The following DIAPH3 variants were observed in gnomAD, a reference collection of about 807,000 sequenced individuals.
The protein encoded by DIAPH3 is protein diaphanous homolog 3.
A neutral mutation model predicts 144.3 loss-of-function variants in DIAPH3; 117 were observed. The ratio of observed to expected loss-of-function variants is 0.81; its 90% CI spans 0.70 to 0.95. DIAPH3 has a LOEUF of 0.95. DIAPH3 is among the 40% of genes least tolerant of loss of function. The pLI, the probability that DIAPH3 is intolerant of heterozygous loss-of-function variation, is 0.00. For synonymous variants in DIAPH3, 519 were observed against 488.9 expected (o/e 1.06, Z -0.81); for missense variants, 1,421 against 1,412.7 (o/e 1.01, Z -0.09).
At chr13:59,883,384 GT>G (rs935909168) in intron 20 of DIAPH3, among the ~76,000 whole-genome samples, 5 of 151,970 alleles carry the variant, frequency 3.3e-5, no homozygotes, top group South Asian at 4.2e-4. Flanking sequence ...GTTGTCAGAT[GT>G]TTTTTTCCCC....
intron 4 of DIAPH3, among the ~76,000 whole-genome samples, chr13:60,060,033 T>G (rs1016986495): frequency 1.3e-5 from 2 of 152,090 alleles, no homozygotes; most frequent in African/African-American, 2.4e-5. Flanking sequence ...TACTTTCAAG[T>G]GTCACTGTTA....
chr13:59,686,677 C>T (rs1033847544), intron 27 of DIAPH3, among the ~76,000 whole-genome samples: 1 of 151,952 alleles, frequency 6.6e-6, no homozygotes, highest in Non-Finnish European at 1.5e-5. Context: ...TTATTTCGGG[C>T]TAGGGGTATA....
At position 59,671,657 on chromosome 13, in the gene DIAPH3, G is replaced by A. The variant is rs185489301; in HGVS notation, c.3320-4811C>T. 3.3e-5 allele frequency among the ~76,000 whole-genome samples: 5 copies of A among 152,214 alleles called. No individual in the cohort carries two copies. The East Asian group carries it at 7.7e-4, about 23-fold the overall frequency. On this transcript the variant is annotated intron_variant, in intron 27 of 27. Coordinates refer to ENST00000400324, the MANE Select transcript of DIAPH3 (RefSeq NM_001042517.2). ...TAAGAAAATGCAATCCACACATCTTGTATTTGTGTTTCTGTGGAAATAAAC... is the reference window on the plus strand; with the variant it reads ...TAAGAAAATGCAATCCACACATCTTATATTTGTGTTTCTGTGGAAATAAAC...
In DIAPH3 at chr13:59,729,810, A is replaced by ATTTTTTTTTTTTTTTTTTTTTTTTTTTT. The variant is rs59987412; in HGVS notation, c.3319+44378_3319+44379insAAAAAAAAAAAAAAAAAAAAAAAAAAAA. On this transcript the variant is annotated intron_variant, in intron 27 of 27. Coordinates refer to ENST00000400324, the MANE Select transcript of DIAPH3 (RefSeq NM_001042517.2). ...TGTGACTTCCGGTGAATACATTAAT[A>ATTTTTTTTTTTTTTTTTTTTTTTTTTTT]TTTTTTTTTTTTTTTTTTTGAGATA... Among the ~76,000 whole-genome samples, 18 of 134,230 alleles carry ATTTTTTTTTTTTTTTTTTTTTTTTTTTT rather than the reference A, an allele frequency of 1.3e-4. 1 individual carries two copies. Among genetic ancestry groups the ATTTTTTTTTTTTTTTTTTTTTTTTTTTT allele is most frequent in the African/African-American group, 5.2e-4 (17 of 32,624 alleles). 88.1% of individuals were successfully genotyped at this position (134,230 alleles called of 152,430 possible). A position where few individuals can be genotyped will look rare whatever the true frequency, so the allele number is the denominator to read the frequency against.
At chr13:59,795,330 C>G (rs1462047038) in intron 25 of DIAPH3, among the ~76,000 whole-genome samples, 1 of 152,050 alleles carries the variant, frequency 6.6e-6, no homozygotes, top group Non-Finnish European at 1.5e-5. Flanking sequence ...TCAGGAAGAA[C>G]TATCTGAAAA....
intron 2 of DIAPH3, among the ~76,000 whole-genome samples, chr13:60,131,509 T>G (rs1475074353): frequency 6.9e-6 from 1 of 145,050 alleles, no homozygotes; most frequent in Non-Finnish European, 1.5e-5. Context: ...CTTGAACACA[T>G]TATGGTAAGC....
chr13:59,671,634 A>G (rs1174739923), intron 27 of DIAPH3, among the ~76,000 whole-genome samples: 1 of 152,246 alleles, frequency 6.6e-6, no homozygotes, highest in Non-Finnish European at 1.5e-5. Flanking sequence ...CAATTCAGTA[A>G]GAAAATGCAA....
chr13:59,811,323 A>C (rs2040459341), intron 24 of DIAPH3, among the ~76,000 whole-genome samples: 1 of 152,246 alleles, frequency 6.6e-6, no homozygotes, highest in African/African-American at 2.4e-5. Flanking sequence ...ATTATCAAGT[A>C]CAAGAAAAAT....
intron 27 of DIAPH3, among the ~76,000 whole-genome samples, chr13:59,768,775 G>A (rs1311297828): frequency 6.6e-6 from 1 of 152,038 alleles, no homozygotes; most frequent in East Asian, 1.9e-4. Flanking sequence ...ATCTCTCAAA[G>A]TGCCATATAT....
At chr13:59,909,245 T>C (rs944528402) in intron 20 of DIAPH3, among the ~76,000 whole-genome samples, 1 of 152,048 alleles carries the variant, frequency 6.6e-6, no homozygotes. Context: ...TGAAAACACA[T>C]CATTCTTTAG....
intron 18 of DIAPH3, among the ~76,000 whole-genome samples, chr13:59,917,134 G>GT (rs2047260222): frequency 1.3e-5 from 2 of 152,108 alleles, no homozygotes. Flanking sequence ...TCTGGTATGT[G>GT]TATTTCTAGA....
At chr13:59,780,581 A>G (rs1023001272) in intron 25 of DIAPH3, among the ~76,000 whole-genome samples, 3 of 152,180 alleles carry the variant, frequency 2.0e-5, no homozygotes, top group Non-Finnish European at 4.4e-5. Flanking sequence ...TGAAAAACAT[A>G]TCATCTTAAT....
At chr13:59,671,724 T>C (rs1251684087) in intron 27 of DIAPH3, among the ~76,000 whole-genome samples, 1 of 152,230 alleles carries the variant, frequency 6.6e-6, no homozygotes. Context: ...ATAGGAATAC[T>C]TACTCATTTC....
At position 59,980,798 on chromosome 13, in the gene DIAPH3, C is replaced by A. The variant is rs1566606076; in HGVS notation, c.1542G>T (p.Lys514Asn). Residue 514 changes from lysine to asparagine, a missense_variant, in exon 14 of 28, where the codon AAG (lysine) becomes AAT (asparagine). Coordinates refer to ENST00000400324, the MANE Select transcript of DIAPH3 (RefSeq NM_001042517.2). ...EFEEKASELY[K>N]KFEKEFTDHQ... ...AAAGTTAGTGAAAACTACTTACTTTCTTGTAAAGTTCTGATGCTTTCTCTT... is the reference window on the plus strand; with the variant it reads ...AAAGTTAGTGAAAACTACTTACTTTATTGTAAAGTTCTGATGCTTTCTCTT... 1 of 1,608,748 alleles carries A rather than the reference C, an allele frequency of 6.2e-7. No individual in the cohort carries two copies. The highest frequency in any genetic ancestry group is 2.2e-5 in the East Asian group (1 of 44,704).
chr13:60,158,630 C>T (rs1191465498), intron 1 of DIAPH3, among the ~76,000 whole-genome samples: 1 of 152,100 alleles, frequency 6.6e-6, no homozygotes, highest in African/African-American at 2.4e-5. Context: ...CCTGTGGTTG[C>T]CCCAGCTAAA....
chr13:59,796,029 A>G (rs1028503302), intron 25 of DIAPH3, among the ~76,000 whole-genome samples: 1 of 152,190 alleles, frequency 6.6e-6, no homozygotes, highest in Non-Finnish European at 1.5e-5. Context: ...AGGAGAAAAA[A>G]GATTGAAACT....
At chr13:59,972,324 G>T (rs1420337340) in intron 15 of DIAPH3, among the ~76,000 whole-genome samples, 1 of 152,100 alleles carries the variant, frequency 6.6e-6, no homozygotes, top group Non-Finnish European at 1.5e-5. Flanking sequence ...TGTTTCCATG[G>T]CATAATAAGA....
chr13:60,036,167 A>G (rs2055194355), intron 5 of DIAPH3, among the ~76,000 whole-genome samples: 1 of 152,206 alleles, frequency 6.6e-6, no homozygotes, highest in African/African-American at 2.4e-5. Flanking sequence ...TCATCCTTGC[A>G]GATTTTAAAA....
At chr13:59,783,677 A>G (rs2038874113) in intron 25 of DIAPH3, among the ~76,000 whole-genome samples, 1 of 152,210 alleles carries the variant, frequency 6.6e-6, no homozygotes, top group Non-Finnish European at 1.5e-5. Context: ...CTTAGTCTCT[A>G]AAACCCTCAT....
Sources: gnomAD v4.1 joint callset for allele counts (sites outside exome capture counted in the v4.1 genomes callset) on GRCh38, gnomAD v4.1.1 for gene constraint, MANE v1.5 for transcripts, NCBI Gene and HGNC (gene_info 2026-07-23, HGNC 2026-07-21) for gene names.